Variants in CPSF6 observed in about 807,000 individuals in gnomAD.
CPSF6 encodes the protein cleavage and polyadenylation specificity factor subunit 6.
In CPSF6, 10 loss-of-function variants were observed where a neutral mutation model predicts 56.7. The observed-to-expected ratio is 0.18, with a 90% CI of 0.11 to 0.30. The LOEUF (loss-of-function observed/expected upper bound fraction) is 0.30, where lower values mean the gene tolerates loss of function less well. CPSF6 is among the 10% of genes least tolerant of loss of function. The pLI, the probability that CPSF6 is intolerant of heterozygous loss-of-function variation, is 1.00. For missense variants in CPSF6, 419 were observed against 722.9 expected (o/e 0.58, Z 4.82); for synonymous variants, 248 against 244.8 (o/e 1.01, Z -0.12).
In CPSF6 at chr12:69,257,748, A is replaced by C; in HGVS notation, c.537A>C (p.Gln179His). The change falls in exon 5 of 10, where the codon CAA (glutamine) becomes CAC (histidine). Residue 179 changes from glutamine (Q) to histidine (H), a missense_variant. This residue lies in a region of CPSF6 where 125 missense variants were observed against 216.4 expected (regional missense o/e 0.58). Transcript: ENST00000435070. ...TATTTGCAGCTACACAATCAGGACAAATGTCTGGGGAAGGTAAAGCTGGTC... is the reference window on the plus strand; with the variant it reads ...TATTTGCAGCTACACAATCAGGACACATGTCTGGGGAAGGTAAAGCTGGTC... ...MQSRKTTQSG[Q>H]MSGEGKAGPP... The C allele has an allele frequency of 6.2e-7, 1 of 1,610,572 alleles. No homozygotes were observed. The highest frequency in any genetic ancestry group is 8.5e-7 in the Non-Finnish European group (1 of 1,179,222).
At position 69,258,276 on chromosome 12, in the gene CPSF6, A is replaced by G; in HGVS notation, c.695-314A>G. On this transcript the variant is annotated intron_variant, in intron 5 of 9. Transcript: ENST00000435070. The surrounding 1 kb of genome is among the most constrained non-coding windows in gnomAD (Gnocchi z 4.2). The stretch of plus-strand genomic sequence containing the variant: ...TCACTTTCTAGCTTGGCATCAGAGT[A>G]GAATATAAGGTGGGTGATTTCACTG... 1.5e-6 allele frequency: 1 copy of G among 652,974 alleles called. No homozygotes were observed. Among genetic ancestry groups the G allele is most frequent in the Non-Finnish European group, 2.6e-6 (1 of 387,058 alleles). The allele number at this position is 652,974 out of a possible 1,614,324, so 40.4% of individuals were successfully genotyped here.
chr12:69,243,017 G>A (rs1871706343), intron 1 of CPSF6, among the ~76,000 whole-genome samples: 1 of 152,076 alleles, frequency 6.6e-6, no homozygotes, highest in South Asian at 2.1e-4. Context: ...CTAAGCAGGA[G>A]AATCGCTTGA....
chr12:69,263,027 A>G (rs1872813858), intron 9 of CPSF6, among the ~76,000 whole-genome samples: 2 of 152,138 alleles, frequency 1.3e-5, no homozygotes, highest in African/African-American at 2.4e-5. Context: ...AAAATCTAAC[A>G]CAATAATAGT....
chr12:69,241,234 TTG>T (rs1871599702), intron 1 of CPSF6, among the ~76,000 whole-genome samples: 1 of 152,240 alleles, frequency 6.6e-6, no homozygotes, highest in Non-Finnish European at 1.5e-5. Flanking sequence ...TTTTAAATCT[TTG>T]TGTTTTTAAA....
rs1412558730 is a variant in CPSF6, at chr12:69,258,212, C to A, written c.694+307C>A. 2 of 912,772 alleles carry A rather than the reference C, an allele frequency of 2.2e-6. No homozygotes were observed. Among genetic ancestry groups the A allele is most frequent in the African/African-American group, 1.7e-5 (1 of 59,262 alleles). The allele number at this position is 912,772 out of a possible 1,614,324, so 56.5% of individuals were successfully genotyped here. A position where few individuals can be genotyped will look rare whatever the true frequency, so the allele number is the denominator to read the frequency against. On this transcript the variant is annotated intron_variant, in intron 5 of 9. Coordinates refer to ENST00000435070, the MANE Select transcript of CPSF6 (RefSeq NM_007007.3). The surrounding 1 kb of genome is among the most constrained non-coding windows in gnomAD (Gnocchi z 4.2). ...TATTTACATCCGTCTTACTTTCTTA[C>A]CTCTTAAAAAAATCCTTTCAAGATC...
intron 1 of CPSF6, among the ~76,000 whole-genome samples, chr12:69,245,326 A>G (rs1334430890): frequency 3.3e-5 from 5 of 152,218 alleles, no homozygotes; most frequent in Non-Finnish European, 5.9e-5. Flanking sequence ...CAGCTCCATT[A>G]TAATCTGACC....
intron 1 of CPSF6, among the ~76,000 whole-genome samples, chr12:69,248,012 A>G (rs1224101798): frequency 6.6e-6 from 1 of 152,240 alleles, no homozygotes; most frequent in Non-Finnish European, 1.5e-5. Flanking sequence ...GGATCGTACT[A>G]CAACCACTTG....
chr12:69,242,068 T>G (rs1457164891), intron 1 of CPSF6, among the ~76,000 whole-genome samples: 1 of 152,236 alleles, frequency 6.6e-6, no homozygotes, highest in African/African-American at 2.4e-5. Context: ...ACAACTGATT[T>G]AATCTTTACT....
chr12:69,256,482 G>A (rs1437298451), intron 3 of CPSF6, among the ~76,000 whole-genome samples: 2 of 152,160 alleles, frequency 1.3e-5, no homozygotes, highest in East Asian at 3.8e-4. Context: ...AGGCTGGAGT[G>A]CAGTAGTGTG....
At position 69,273,178 on chromosome 12, in the gene CPSF6, T is replaced by C. The variant is rs758102416; in HGVS notation, c.*3670T>C. On this transcript the variant is annotated 3_prime_UTR_variant, in exon 10 of 10. Transcript: ENST00000435070. ...GGGAGGAAGTTCTTATACTCTTCTT[T>C]CTTGGCATTAGAAAGAAGCAATATG... The C allele has an allele frequency of 1.7e-5, 9 of 517,946 alleles. No individual in the cohort carries two copies. The highest frequency in any genetic ancestry group is 3.2e-5 in the Non-Finnish European group (8 of 253,656). 32.1% of individuals were successfully genotyped at this position (517,946 alleles called of 1,614,324 possible).
chr12:69,254,631 G>T (rs146708504), intron 3 of CPSF6, among the ~76,000 whole-genome samples: 1 of 152,122 alleles, frequency 6.6e-6, no homozygotes, highest in Non-Finnish European at 1.5e-5. Flanking sequence ...GGTACCTTGC[G>T]TATAAGAAGT....
At chr12:69,259,579 T>C in intron 7 of CPSF6, 36 bp downstream of exon 7, 1 of 1,557,798 alleles carries the variant, frequency 6.4e-7, no homozygotes, top group Non-Finnish European at 8.7e-7. Context: ...TTCTTATTTA[T>C]GTTATTAGGA....
intron 4 of CPSF6, among the ~76,000 whole-genome samples, chr12:69,257,158 A>C (rs893903071): frequency 6.6e-6 from 1 of 152,210 alleles, no homozygotes. Context: ...TCTTAGATTA[A>C]AGGAGAGCTA....
rs771812212 is a variant in CPSF6, at chr12:69,253,199, C to G, written c.374+45C>G. On this transcript the variant is annotated intron_variant, in intron 3 of 9. Coordinates refer to ENST00000435070, the MANE Select transcript of CPSF6 (RefSeq NM_007007.3). ...CTTTTTGATTTAGTAGCTAGTGATA[C>G]AGTTTTTACAAGTTAACTTTCCTTT... The G allele has an allele frequency of 3.1e-6, 3 of 979,436 alleles. No homozygotes were observed. The Admixed American group carries it at 6.8e-5, about 22-fold the overall frequency. 60.7% of individuals were successfully genotyped at this position (979,436 alleles called of 1,614,324 possible).
rs778710065 is a variant in CPSF6 at position 69,257,916 on chromosome 12, T to C, written c.694+11T>C. On this transcript the variant is annotated intron_variant, in intron 5 of 9. Transcript: ENST00000435070. ...CCCCACCTTTTCCAGGTAAAACTTT[T>C]CTTAAATTACCATGGATAAAACATG... 7 of 1,590,552 alleles carry C rather than the reference T, an allele frequency of 4.4e-6. No individual in the cohort carries two copies. The Admixed American group carries it at 7.5e-5, about 17-fold the overall frequency.
At chr12:69,269,208 TATGA>T (rs1175272330) in intron 9 of CPSF6, among the ~76,000 whole-genome samples, 2 of 151,888 alleles carry the variant, frequency 1.3e-5, no homozygotes, top group African/African-American at 2.4e-5. Context: ...GAAAATGACT[TATGA>T]ATGTTTCCAT....
chr12:69,265,224 A>G (rs1872915870), intron 9 of CPSF6, among the ~76,000 whole-genome samples: 1 of 152,214 alleles, frequency 6.6e-6, no homozygotes. Flanking sequence ...AAATTTCAGT[A>G]TGTAAATACG....
intron 9 of CPSF6, among the ~76,000 whole-genome samples, chr12:69,263,100 T>A (rs1872819432): frequency 6.6e-6 from 1 of 152,066 alleles, no homozygotes; most frequent in African/African-American, 2.4e-5. Context: ...AAAAAAATTT[T>A]TTTTTTTAGA....
At chr12:69,241,485 C>T (rs1022656851) in intron 1 of CPSF6, among the ~76,000 whole-genome samples, 3 of 152,158 alleles carry the variant, frequency 2.0e-5, no homozygotes, top group Admixed American at 6.5e-5. Flanking sequence ...GTTCACCTTT[C>T]TATGCACAAT....
Sources: allele counts gnomAD v4.1 joint callset (sites outside exome capture counted in the v4.1 genomes callset), GRCh38; gene constraint gnomAD v4.1.1; regional missense constraint gnomAD v4.1.1; non-coding constraint Gnocchi (gnomAD v3.1); transcripts MANE v1.5; gene names NCBI Gene and HGNC (gene_info 2026-07-23, HGNC 2026-07-21).